CSMD1: variants seen among roughly 807,000 people sequenced by gnomAD.
CSMD1 encodes CUB and Sushi multiple domains 1.
CSMD1 carries 213 observed loss-of-function variants against 417.5 expected under a neutral mutation model. The ratio of observed to expected loss-of-function variants is 0.51; its 90% CI spans 0.46 to 0.57. The LOEUF is 0.57. Ranked by LOEUF, CSMD1 falls within the 20% of genes least tolerant of loss-of-function variation. The pLI is 0.00. For synonymous variants in CSMD1, 2,862 were observed against 1,736.8 expected, an observed-to-expected ratio of 1.65 and a Z score of -16.11; for missense variants, 6,923 against 4,529.7, an observed-to-expected ratio of 1.53 and a Z score of -15.17.
chr8:3,590,152 G>A (rs1056104284), intron 8 of CSMD1, among the ~76,000 whole-genome samples: 1 of 152,038 alleles, frequency 6.6e-6, no homozygotes, highest in Non-Finnish European at 1.5e-5. Context: ...ATACAAAATT[G>A]TATGTACTGA....
chr8:3,558,932 G>A lies in CSMD1; in HGVS notation c.1344+16013C>T, dbSNP rs745496357. Among the ~76,000 whole-genome samples, 8 of 152,252 alleles carry A rather than the reference G, an allele frequency of 5.3e-5. 1 individual carries two copies. The highest frequency in any genetic ancestry group is 3.9e-4 in the East Asian group (2 of 5,180). Reference sequence around the variant, plus strand: ...GCGTCCTGGGGCAGCACCACGATTCGAGGTCCCAGAGTAGCCCAGTATGAC... The same window carrying A: ...GCGTCCTGGGGCAGCACCACGATTCAAGGTCCCAGAGTAGCCCAGTATGAC... On this transcript the variant is annotated intron_variant, in intron 10 of 69. Coordinates refer to ENST00000635120, the MANE Select transcript of CSMD1 (RefSeq NM_033225.6).
At chr8:3,012,771 A>G (rs528122976) in intron 52 of CSMD1, among the ~76,000 whole-genome samples, 1 of 152,290 alleles carries the variant, frequency 6.6e-6, no homozygotes, top group East Asian at 1.9e-4. Flanking sequence ...TACTGATTCC[A>G]AAAGCTCTCT....
intron 5 of CSMD1, among the ~76,000 whole-genome samples, chr8:3,858,348 A>G (rs1263772276): frequency 6.6e-6 from 1 of 152,180 alleles, no homozygotes; most frequent in Non-Finnish European, 1.5e-5. Flanking sequence ...AATGCTTAAA[A>G]TATTTCATGC....
At chr8:3,519,169 C>G (rs1797400843) in intron 10 of CSMD1, among the ~76,000 whole-genome samples, 1 of 152,102 alleles carries the variant, frequency 6.6e-6, no homozygotes, top group Non-Finnish European at 1.5e-5. Flanking sequence ...GCTAAAAATT[C>G]CTTAATCCTG....
intron 1 of CSMD1, among the ~76,000 whole-genome samples, chr8:4,701,002 G>A (rs1053316255): frequency 7.2e-5 from 11 of 152,140 alleles, no homozygotes; most frequent in Non-Finnish European, 1.5e-4. Flanking sequence ...TTAGGAGCTG[G>A]GGTTTATCGG....
At chr8:4,543,254 G>A (rs149262735) in intron 2 of CSMD1, among the ~76,000 whole-genome samples, 67 of 152,146 alleles carry the variant, frequency 4.4e-4, no homozygotes, top group African/African-American at 1.5e-3. Context: ...AATCACATCT[G>A]ACGGTGTGGA....
intron 65 of CSMD1, among the ~76,000 whole-genome samples, chr8:2,953,943 C>T (rs1802822028): frequency 6.6e-6 from 1 of 152,236 alleles, no homozygotes; most frequent in Non-Finnish European, 1.5e-5. Context: ...CCAATGTTTT[C>T]ATTTCTGCCT....
At chr8:3,994,650 G>T (rs757989734) in intron 5 of CSMD1, among the ~76,000 whole-genome samples, 23 of 151,918 alleles carry the variant, frequency 1.5e-4, no homozygotes, top group Non-Finnish European at 2.5e-4. Context: ...TTCAACTAAT[G>T]TACCTATAGC....
intron 1 of CSMD1, among the ~76,000 whole-genome samples, chr8:4,929,580 G>A (rs745942358): frequency 6.6e-5 from 10 of 152,134 alleles, no homozygotes; most frequent in South Asian, 2.1e-4. Flanking sequence ...TAGTCTCAAG[G>A]TGTGTTCAGT....
At chr8:4,305,287 C>A (rs1028661255) in intron 3 of CSMD1, among the ~76,000 whole-genome samples, 1 of 152,170 alleles carries the variant, frequency 6.6e-6, no homozygotes, top group Non-Finnish European at 1.5e-5. Flanking sequence ...TGAGCTGCAT[C>A]AGCCTCCCGC....
intron 10 of CSMD1, among the ~76,000 whole-genome samples, chr8:3,509,462 T>G (rs1796972324): frequency 6.6e-6 from 1 of 152,228 alleles, no homozygotes. Flanking sequence ...CAAGGAGTCT[T>G]GCACAAGTCG....
chr8:2,936,482 T>C lies in CSMD1; in HGVS notation c.*2103A>G, dbSNP rs1801495985. ...TTCAATCATCTTCTGTTTCGTTCAA[T>C]GTGTGTGTTAGGAGCACGACTCCCG... On this transcript the variant is annotated 3_prime_UTR_variant, in exon 70 of 70. Coordinates refer to ENST00000635120, the MANE Select transcript of CSMD1 (RefSeq NM_033225.6). 1 of 152,044 alleles carries C rather than the reference T, an allele frequency of 6.6e-6. No individual in the cohort carries two copies. The highest frequency in any genetic ancestry group is 1.5e-5 in the Non-Finnish European group (1 of 68,022). The allele number at this position is 152,044 out of a possible 1,614,324, so 9.4% of individuals were successfully genotyped here. A position where few individuals can be genotyped will look rare whatever the true frequency, so the allele number is the denominator to read the frequency against.
chr8:3,094,654 T>C (rs1234525896), intron 47 of CSMD1, among the ~76,000 whole-genome samples: 1 of 152,152 alleles, frequency 6.6e-6, no homozygotes, highest in Non-Finnish European at 1.5e-5. Context: ...TTCATAATGA[T>C]TAAAATACTG....
At chr8:4,468,637 C>T (rs529450030) in intron 2 of CSMD1, among the ~76,000 whole-genome samples, 2 of 152,224 alleles carry the variant, frequency 1.3e-5, no homozygotes, top group African/African-American at 4.8e-5. Flanking sequence ...TTAAAATGGT[C>T]CATATCCTAC....
intron 3 of CSMD1, among the ~76,000 whole-genome samples, chr8:4,396,222 G>A (rs1394736097): frequency 6.6e-6 from 1 of 152,054 alleles, no homozygotes; most frequent in African/African-American, 2.4e-5. Context: ...AGCACTTTGG[G>A]AGACCAAGGT....
chr8:3,388,152 C>T (rs1464781624), intron 17 of CSMD1, among the ~76,000 whole-genome samples: 1 of 152,158 alleles, frequency 6.6e-6, no homozygotes, highest in Non-Finnish European at 1.5e-5. Flanking sequence ...AACATATACA[C>T]ATATAATGCA....
chr8:4,833,506 C>G (rs1198998114), intron 1 of CSMD1, among the ~76,000 whole-genome samples: 1 of 152,156 alleles, frequency 6.6e-6, no homozygotes. Context: ...TGGGTGGGGA[C>G]ACAGAGCCAA....
chr8:3,252,389 G>C (rs1393813241), intron 26 of CSMD1, among the ~76,000 whole-genome samples: 1 of 152,190 alleles, frequency 6.6e-6, no homozygotes, highest in Non-Finnish European at 1.5e-5. Context: ...TGTTGAACCA[G>C]CCTTGCATCC....
chr8:4,472,164 T>C (rs539340335), intron 2 of CSMD1, among the ~76,000 whole-genome samples: 1 of 152,344 alleles, frequency 6.6e-6, no homozygotes, highest in South Asian at 2.1e-4. Flanking sequence ...TTTTAAATAT[T>C]AATTTTACTT....
Sources: allele counts gnomAD v4.1 joint callset (sites outside exome capture counted in the v4.1 genomes callset), GRCh38; gene constraint gnomAD v4.1.1; transcripts MANE v1.5; gene names NCBI Gene and HGNC (gene_info 2026-07-23, HGNC 2026-07-21).